The following PTPRD variants were observed in gnomAD, a reference collection of about 807,000 sequenced individuals.
PTPRD encodes protein tyrosine phosphatase receptor type D.
Under a neutral mutation model 214.5 loss-of-function variants are expected in PTPRD, and 34 were observed. The ratio of observed to expected loss-of-function variants is 0.16; its 90% CI spans 0.12 to 0.21. PTPRD has a LOEUF of 0.21. PTPRD is among the 10% of genes least tolerant of loss of function. The pLI, the probability that PTPRD is intolerant of heterozygous loss-of-function variation, is 1.00. For synonymous variants in PTPRD, 1,128 were observed against 845.7 expected (o/e 1.33, Z -5.79); for missense variants, 2,545 against 2,398.7 (o/e 1.06, Z -1.27).
chr9:8,601,022 G>A (rs768048320), intron 14 of PTPRD, among the ~76,000 whole-genome samples: 4 of 152,088 alleles, frequency 2.6e-5, no homozygotes, highest in Non-Finnish European at 1.5e-5. Flanking sequence ...AGAGCTGATC[G>A]CCTTGAAGGG....
chr9:9,963,877 G>T (rs534748241), intron 4 of PTPRD, among the ~76,000 whole-genome samples: 1 of 152,146 alleles, frequency 6.6e-6, no homozygotes, highest in African/African-American at 2.4e-5. Flanking sequence ...ATTCACAAAC[G>T]TTTTAAGTCC....
chr9:8,743,956 C>T (rs2092455453), intron 11 of PTPRD, among the ~76,000 whole-genome samples: 1 of 151,394 alleles, frequency 6.6e-6, no homozygotes, highest in African/African-American at 2.4e-5. Flanking sequence ...AAAAAAATCA[C>T]ATCCAAAAGT....
At chr9:9,375,683 A>G (rs2060592630) in intron 9 of PTPRD, among the ~76,000 whole-genome samples, 1 of 152,200 alleles carries the variant, frequency 6.6e-6, no homozygotes, top group Admixed American at 6.6e-5. Flanking sequence ...TTGCTATGTG[A>G]AATAAGTCAG....
chr9:8,526,262 A>G (rs1262223202), intron 17 of PTPRD, among the ~76,000 whole-genome samples: 1 of 145,630 alleles, frequency 6.9e-6, no homozygotes, highest in East Asian at 2.1e-4. Flanking sequence ...AAAAAAAAGG[A>G]AAAAGAAGAA....
Position 9,575,657 on chromosome 9 carries a change from T to G in PTPRD, c.-286-876A>C, listed in dbSNP as rs540147896. 2.4e-5 allele frequency among the ~76,000 whole-genome samples: 3 copies of G among 126,280 alleles called. No homozygotes were observed. In the East Asian group the frequency reaches 7.0e-4, roughly 29 times the overall value. The allele number at this position is 126,280 out of a possible 152,430, so 82.8% of individuals were successfully genotyped here. A position where few individuals can be genotyped will look rare whatever the true frequency, so the allele number is the denominator to read the frequency against. On this transcript the variant is annotated intron_variant, in intron 7 of 45. Coordinates refer to ENST00000381196, the MANE Select transcript of PTPRD (RefSeq NM_002839.4). The stretch of plus-strand genomic sequence containing the variant: ...ATCACTGGAACCCGGGAGGTGGAGG[T>G]TGCAGTGAGCCAAGATCATGCCACT...
intron 5 of PTPRD, among the ~76,000 whole-genome samples, chr9:9,925,822 C>A (rs1161246067): frequency 6.6e-6 from 1 of 151,876 alleles, no homozygotes; most frequent in Non-Finnish European, 1.5e-5. Context: ...ATATACTAAT[C>A]TCCCTTTGTT....
At chr9:9,228,405 G>A (rs1331187124) in intron 9 of PTPRD, among the ~76,000 whole-genome samples, 1 of 152,032 alleles carries the variant, frequency 6.6e-6, no homozygotes, top group Non-Finnish European at 1.5e-5. Flanking sequence ...GCACACATAT[G>A]TGCATGTGTA....
rs1276771401 is a variant in PTPRD, at chr9:9,191,753, T to C, written c.-202-8390A>G. On this transcript the variant is annotated intron_variant, in intron 9 of 45. Coordinates refer to ENST00000381196, the MANE Select transcript of PTPRD (RefSeq NM_002839.4). ...CAAGTTTATACTTTAGCTTCTTGCA[T>C]CAATTAATTAATAAAATTTATATAG... Among the ~76,000 whole-genome samples, 11 of 152,098 alleles carry C rather than the reference T, an allele frequency of 7.2e-5. No homozygotes were observed. The East Asian group carries it at 1.4e-3, about 19-fold the overall frequency.
chr9:9,613,983 C>T (rs2094697086), intron 7 of PTPRD, among the ~76,000 whole-genome samples: 2 of 152,162 alleles, frequency 1.3e-5, no homozygotes, highest in South Asian at 4.1e-4. Flanking sequence ...AGTCTCCTCA[C>T]GGTCCTCATC....
At chr9:9,835,988 GAA>G (rs2056635537) in intron 5 of PTPRD, among the ~76,000 whole-genome samples, 1 of 152,218 alleles carries the variant, frequency 6.6e-6, no homozygotes, top group African/African-American at 2.4e-5. Context: ...AGTTTTCTTT[GAA>G]AGACTATAAA....
intron 44 of PTPRD, among the ~76,000 whole-genome samples, chr9:8,330,974 A>T (rs1322942562): frequency 6.6e-6 from 1 of 150,964 alleles, no homozygotes; most frequent in Non-Finnish European, 1.5e-5. Flanking sequence ...CACTAAATTT[A>T]TGGTGAATGT....
chr9:10,523,729 C>A (rs2053330309), intron 2 of PTPRD, among the ~76,000 whole-genome samples: 1 of 148,648 alleles, frequency 6.7e-6, no homozygotes, highest in East Asian at 2.0e-4. Flanking sequence ...ACATAAATGG[C>A]TATTGATTCT....
intron 3 of PTPRD, among the ~76,000 whole-genome samples, chr9:10,110,538 T>C (rs567319303): frequency 2.0e-5 from 3 of 152,134 alleles, no homozygotes; most frequent in African/African-American, 4.8e-5. Context: ...GAAAATGAGA[T>C]GAGAAAGGGG....
chr9:8,340,753 C>T (rs200283715), intron 41 of PTPRD, among the ~76,000 whole-genome samples: 1 of 114,070 alleles, frequency 8.8e-6, no homozygotes, highest in African/African-American at 3.0e-5. Context: ...ATACAAATTA[C>T]TTAAGAAACA....
At chr9:8,895,279 G>C (rs977759100) in intron 11 of PTPRD, among the ~76,000 whole-genome samples, 1 of 152,110 alleles carries the variant, frequency 6.6e-6, no homozygotes, top group African/African-American at 2.4e-5. Context: ...ACCAGGATAA[G>C]ATCAAAGCCC....
chr9:8,511,029 T>C (rs2097668886), intron 21 of PTPRD, among the ~76,000 whole-genome samples: 1 of 152,112 alleles, frequency 6.6e-6, no homozygotes, highest in East Asian at 1.9e-4. Context: ...TATTTATACA[T>C]ATAAATGTAT....
At chr9:9,426,742 G>A (rs1413692364) in intron 8 of PTPRD, among the ~76,000 whole-genome samples, 5 of 152,222 alleles carry the variant, frequency 3.3e-5, no homozygotes, top group Middle Eastern at 3.4e-3. Context: ...AACATTTGCC[G>A]TTCTGCAATA....
intron 5 of PTPRD, among the ~76,000 whole-genome samples, chr9:9,920,442 G>A (rs564822918): frequency 1.8e-4 from 27 of 152,150 alleles, no homozygotes; most frequent in Non-Finnish European, 2.6e-4. Flanking sequence ...ACATAATAAG[G>A]TCACAGCAGG....
chr9:9,882,484 T>G (rs1309966055), intron 5 of PTPRD, among the ~76,000 whole-genome samples: 2 of 152,140 alleles, frequency 1.3e-5, no homozygotes, highest in Non-Finnish European at 2.9e-5. Context: ...TACTGATATA[T>G]TTTTATTTTA....
Sources: allele counts gnomAD v4.1 joint callset (sites outside exome capture counted in the v4.1 genomes callset), GRCh38; gene constraint gnomAD v4.1.1; transcripts MANE v1.5; gene names NCBI Gene and HGNC (gene_info 2026-07-23, HGNC 2026-07-21).